The following IKBKB variants were observed in gnomAD, a reference collection of about 807,000 sequenced individuals.
The protein encoded by IKBKB is inhibitor of nuclear factor kappa-B kinase subunit beta.
A neutral mutation model predicts 113.6 loss-of-function variants in IKBKB; 42 were observed. The ratio of observed to expected loss-of-function variants is 0.37; its 90% CI spans 0.29 to 0.48. The LOEUF (loss-of-function observed/expected upper bound fraction) is 0.48, where lower values mean the gene tolerates loss of function less well. Among genes scored for constraint, IKBKB ranks in the 20% least tolerant of loss-of-function variants. The probability of loss-of-function intolerance (pLI) is 0.99; values close to 1 mark genes in which losing one functional copy is unlikely to be tolerated. For synonymous variants in IKBKB, 296 were observed against 361.3 expected (o/e 0.82, Z 2.05); for missense variants, 673 against 939.7 (o/e 0.72, Z 3.71).
At chr8:42,276,948 G>A (rs1488546923) in intron 2 of IKBKB, among the ~76,000 whole-genome samples, 2 of 137,720 alleles carry the variant, frequency 1.5e-5, no homozygotes, top group Non-Finnish European at 3.1e-5. Flanking sequence ...GTCACTGCAA[G>A]CTCCGCCTCC....
At chr8:42,325,261 G>T (rs932597163) in intron 19 of IKBKB, 3 of 985,594 alleles carry the variant, frequency 3.0e-6, no homozygotes, top group African/African-American at 3.5e-5. Context: ...CCCCTTGGGA[G>T]TCAGGGTGTC....
At chr8:42,315,272 G>A (rs934928907) in intron 9 of IKBKB, among the ~76,000 whole-genome samples, 2 of 152,240 alleles carry the variant, frequency 1.3e-5, no homozygotes, top group African/African-American at 4.8e-5. Context: ...CATGGATAAT[G>A]ATTACCATAT....
At chr8:42,298,762 C>T (rs577663723) in intron 5 of IKBKB, among the ~76,000 whole-genome samples, 3 of 152,228 alleles carry the variant, frequency 2.0e-5, no homozygotes, top group African/African-American at 7.2e-5. Flanking sequence ...CCTCCGAGTG[C>T]TCTCTAGGGC....
At chr8:42,292,265 G>A (rs993674327) in intron 4 of IKBKB, among the ~76,000 whole-genome samples, 2 of 152,214 alleles carry the variant, frequency 1.3e-5, no homozygotes, top group African/African-American at 4.8e-5. Flanking sequence ...GATTACAGAG[G>A]GCTCTGAAGT....
chr8:42,286,733 C>A (rs926739264), intron 2 of IKBKB, among the ~76,000 whole-genome samples: 1 of 152,166 alleles, frequency 6.6e-6, no homozygotes, highest in African/African-American at 2.4e-5. Context: ...TGCTCACTTA[C>A]AAGATTTATG....
chr8:42,316,109 C>A lies in IKBKB; in HGVS notation c.801-101C>A. ...TGATAAACCCATTTTCATTTTCAAT[C>A]ACCGTCTACTGGCTGCCGTCTGTGT... On this transcript the variant is annotated intron_variant, in intron 9 of 21. Transcript: ENST00000520810. This position sits in a 1 kb window ranked among gnomAD's most constrained non-coding sequence, Gnocchi z 4.5. 7.8e-7 allele frequency: 1 copy of A among 1,288,330 alleles called. No homozygotes were observed. The highest frequency in any genetic ancestry group is 1.1e-6 in the Non-Finnish European group (1 of 929,552). The allele number at this position is 1,288,330 out of a possible 1,614,324, so 79.8% of individuals were successfully genotyped here.
chr8:42,308,827 G>A, intron 7 of IKBKB, 74 bp from the exon 8 acceptor site: 5 of 1,464,982 alleles, frequency 3.4e-6, no homozygotes, highest in Non-Finnish European at 3.8e-6. Context: ...GAAAGCAGAT[G>A]GGCTGGCCGC....
rs996953924 is a variant in IKBKB at position 42,328,390 on chromosome 8, A to G, written c.2115-734A>G. 7.9e-5 allele frequency among the ~76,000 whole-genome samples: 12 copies of G among 151,890 alleles called. No homozygotes were observed. In the South Asian group the frequency reaches 8.3e-4, roughly 11 times the overall value. On this transcript the variant is annotated intron_variant, in intron 20 of 21. Transcript: ENST00000520810. ...TTTAGGCTAGCTAGAGGCCCCATAGATGAGGCTTGGCAGAAATGTGCTCTG... is the reference window on the plus strand; with the variant it reads ...TTTAGGCTAGCTAGAGGCCCCATAGGTGAGGCTTGGCAGAAATGTGCTCTG...
intron 2 of IKBKB, among the ~76,000 whole-genome samples, chr8:42,287,814 A>T (rs1475969974): frequency 6.6e-6 from 1 of 152,160 alleles, no homozygotes; most frequent in Non-Finnish European, 1.5e-5. Context: ...ATTATGCCAT[A>T]TTATGCTTGC....
At chr8:42,289,061 A>G (rs2130293907) in intron 3 of IKBKB, among the ~76,000 whole-genome samples, 1 of 152,286 alleles carries the variant, frequency 6.6e-6, no homozygotes, top group Non-Finnish European at 1.5e-5. Flanking sequence ...CTAAAAATAC[A>G]AAAAATTAGC....
In IKBKB at chr8:42,325,733, C is replaced by G. The variant is rs1460070173; in HGVS notation, c.1987-237C>G. ...AAAAGCCTGCAAATTAATGTAGGCA[C>G]CCAGGTCTCCTTAAATTTAGAATCC... On this transcript the variant is annotated intron_variant, in intron 19 of 21. Coordinates refer to ENST00000520810, the MANE Select transcript of IKBKB (RefSeq NM_001556.3). 3.0e-6 allele frequency: 4 copies of G among 1,317,192 alleles called. No homozygotes were observed. In the African/African-American group the frequency reaches 6.0e-5, roughly 20 times the overall value. 81.6% of individuals were successfully genotyped at this position (1,317,192 alleles called of 1,614,324 possible).
chr8:42,279,809 C>A (rs1809975294), intron 2 of IKBKB, among the ~76,000 whole-genome samples: 1 of 152,140 alleles, frequency 6.6e-6, no homozygotes, highest in South Asian at 2.1e-4. Flanking sequence ...CAGTCTAAAC[C>A]TTTTTGAAGC....
At chr8:42,319,125 T>A in intron 13 of IKBKB, 145 bp from the exon 14 acceptor site, 1 of 737,112 alleles carries the variant, frequency 1.4e-6, no homozygotes, top group Admixed American at 2.7e-5. Context: ...GTCCTTGGGT[T>A]ATAAGTGGCT....
intron 7 of IKBKB, among the ~76,000 whole-genome samples, chr8:42,307,282 G>A (rs1488410838): frequency 2.6e-5 from 4 of 152,200 alleles, no homozygotes; most frequent in Admixed American, 6.5e-5. Context: ...GAGCACAAAA[G>A]GGAAAGAGAG....
rs556672456 is a variant in IKBKB, at chr8:42,287,110, C to T, written c.106-1524C>T. ...GTGACAGTGGTGCAGTGGTGACTCC[C>T]TTGTGGCAGCTGGAGTGCCCGAGGC... On this transcript the variant is annotated intron_variant, in intron 2 of 21. Transcript: ENST00000520810. 2.0e-5 allele frequency among the ~76,000 whole-genome samples: 3 copies of T among 152,314 alleles called. No homozygotes were observed. In the South Asian group the frequency reaches 6.2e-4, roughly 32 times the overall value.
rs376487698 is a variant in IKBKB at position 42,325,713 on chromosome 8, C to G, written c.1987-257C>G. On this transcript the variant is annotated intron_variant, in intron 19 of 21. Transcript: ENST00000520810. ...AGTAAAGCTGATGAAAATAAAAAAG[C>G]CTGCAAATTAATGTAGGCACCCAGG... 1.1e-5 allele frequency: 14 copies of G among 1,239,240 alleles called. 1 individual carries two copies. Among genetic ancestry groups the G allele is most frequent in the African/African-American group, 1.1e-4 (7 of 64,328 alleles). The allele number at this position is 1,239,240 out of a possible 1,614,324, so 76.8% of individuals were successfully genotyped here. A position where few individuals can be genotyped will look rare whatever the true frequency, so the allele number is the denominator to read the frequency against.
intron 7 of IKBKB, among the ~76,000 whole-genome samples, chr8:42,308,018 A>T (rs78063748): frequency 6.6e-6 from 1 of 152,148 alleles, no homozygotes; most frequent in Admixed American, 6.6e-5. Context: ...CGGTCACCCC[A>T]GCGCTCTCTG....
Position 42,271,362 on chromosome 8 carries a change from C to A in IKBKB, c.-126C>A, listed in dbSNP as rs890839161. On this transcript the variant is annotated 5_prime_UTR_variant, in exon 1 of 22. Transcript: ENST00000520810. ...GCCGCGCTGCCCGCGTTAAGATTCC[C>A]GCATTTTAATGTTTTCAGGGGGGTG... The A allele has an allele frequency of 6.9e-7, 1 of 1,459,722 alleles. No individual in the cohort carries two copies. Among genetic ancestry groups the A allele is most frequent in the African/African-American group, 1.4e-5 (1 of 71,644 alleles). The allele number at this position is 1,459,722 out of a possible 1,614,324, so 90.4% of individuals were successfully genotyped here.
intron 11 of IKBKB, chr8:42,317,209 TAAAAAA>T: frequency 3.4e-6 from 1 of 296,430 alleles, no homozygotes; most frequent in Non-Finnish European, 6.4e-6. Context: ...CCAAGTGTAC[TAAAAAA>T]AAAAAAAAAA....
Sources: allele counts gnomAD v4.1 joint callset (sites outside exome capture counted in the v4.1 genomes callset), GRCh38; gene constraint gnomAD v4.1.1; non-coding constraint Gnocchi (gnomAD v3.1); transcripts MANE v1.5; gene names NCBI Gene and HGNC (gene_info 2026-07-23, HGNC 2026-07-21).